The following QKI variants were observed in gnomAD, a reference collection of about 807,000 sequenced individuals.
The protein encoded by QKI is QKI, KH domain containing RNA binding.
A neutral mutation model predicts 39.0 loss-of-function variants in QKI; 10 were observed. The observed-to-expected ratio is 0.26, with a 90% confidence interval of 0.16 to 0.43. QKI has a LOEUF of 0.43. QKI is among the 20% of genes least tolerant of loss of function. The pLI, the probability that QKI is intolerant of heterozygous loss-of-function variation, is 1.00. For synonymous variants in QKI, 204 were observed against 155.4 expected (o/e 1.31, Z -2.33); for missense variants, 218 against 428.0 (o/e 0.51, Z 4.33).
intron 7 of QKI, chr6:163,568,222 G>T: frequency 1.0e-6 from 1 of 984,106 alleles, no homozygotes; most frequent in Non-Finnish European, 1.2e-6. Context: ...GTCTACAATT[G>T]TTCTAAAGAG....
chr6:163,436,772 A>G (rs1327224810), intron 1 of QKI, among the ~76,000 whole-genome samples: 1 of 134,924 alleles, frequency 7.4e-6, no homozygotes, highest in Non-Finnish European at 1.5e-5. Flanking sequence ...CCTGGGCGAC[A>G]GAGCGAGACT....
rs111792775 is a variant in QKI at position 163,434,710 on chromosome 6, CA to C, written c.142+19385del. 3.9e-3 allele frequency among the ~76,000 whole-genome samples: 549 copies of C among 141,598 alleles called. 2 individuals are homozygous for C. Among genetic ancestry groups the C allele is most frequent in the African/African-American group, 0.013 (504 of 38,374 alleles). The allele number at this position is 141,598 out of a possible 152,430, so 92.9% of individuals were successfully genotyped here. On this transcript the variant is annotated intron_variant, in intron 1 of 7. Transcript: ENST00000361752. ...AGCCTGGGCAACAGTGTGAGACTCT[CA>C]AAAAAAAAATTAATAAATAAGATAA...
At chr6:163,439,310 C>T (rs928260363) in intron 1 of QKI, among the ~76,000 whole-genome samples, 1 of 149,062 alleles carries the variant, frequency 6.7e-6, no homozygotes, top group African/African-American at 2.5e-5. Context: ...AGAATTTTCG[C>T]TCTAGAATAA....
At chr6:163,460,222 A>G (rs1334797531) in intron 2 of QKI, among the ~76,000 whole-genome samples, 2 of 152,206 alleles carry the variant, frequency 1.3e-5, no homozygotes, top group Non-Finnish European at 2.9e-5. Flanking sequence ...TTATGTGAAT[A>G]TAATTCTGAT....
chr6:163,488,417 C>T (rs930583746), intron 3 of QKI, among the ~76,000 whole-genome samples: 1 of 152,126 alleles, frequency 6.6e-6, no homozygotes, highest in Admixed American at 6.5e-5. Flanking sequence ...CTTTTCAGAG[C>T]TGTGAAATAC....
chr6:163,491,767 T>A (rs937808431), intron 3 of QKI, among the ~76,000 whole-genome samples: 1 of 152,176 alleles, frequency 6.6e-6, no homozygotes, highest in African/African-American at 2.4e-5. Context: ...TTATTAAAAT[T>A]TGTGAGACAC....
At chr6:163,422,707 A>T (rs1445489954) in intron 1 of QKI, among the ~76,000 whole-genome samples, 1 of 152,202 alleles carries the variant, frequency 6.6e-6, no homozygotes, top group Non-Finnish European at 1.5e-5. Context: ...ACATGCAGTG[A>T]ATGTGAGCTG....
At chr6:163,457,552 G>A in intron 2 of QKI, 1 of 433,136 alleles carries the variant, frequency 2.3e-6, no homozygotes, top group South Asian at 1.7e-5. Flanking sequence ...AAACTCTGGG[G>A]TAAGGGCGAG....
intron 2 of QKI, among the ~76,000 whole-genome samples, chr6:163,474,650 A>G (rs1792449543): frequency 1.3e-5 from 2 of 152,024 alleles, no homozygotes; most frequent in African/African-American, 4.8e-5. Context: ...GAGGCTAGAC[A>G]TGGTGTCTCC....
At chr6:163,514,763 G>C (rs1029289145) in intron 3 of QKI, among the ~76,000 whole-genome samples, 3 of 152,152 alleles carry the variant, frequency 2.0e-5, no homozygotes, top group African/African-American at 7.2e-5. Flanking sequence ...TCTTTTGATG[G>C]ATCACATGCC....
intron 4 of QKI, among the ~76,000 whole-genome samples, chr6:163,551,269 G>A (rs1202488561): frequency 2.0e-5 from 3 of 152,160 alleles, no homozygotes; most frequent in Non-Finnish European, 4.4e-5. Context: ...GACACCAGCT[G>A]GGTGTCCTCC....
At position 163,503,554 on chromosome 6, in the gene QKI, G is replaced by A. The variant is rs181294467; in HGVS notation, c.402+24658G>A. Among the ~76,000 whole-genome samples, 477 of 151,914 alleles carry A rather than the reference G, an allele frequency of 3.1e-3. 3 individuals carry two copies. Among genetic ancestry groups the A allele is most frequent in the African/African-American group, 0.01 (425 of 41,416 alleles). ...GTCCTGATAGTTTCTTTTGCTGTGC[G>A]GAAACTCTTTAGTTTAATTAAGTCC... On this transcript the variant is annotated intron_variant, in intron 3 of 7. Coordinates refer to ENST00000361752, the MANE Select transcript of QKI (RefSeq NM_006775.3).
intron 1 of QKI, 118 bp downstream of exon 1, chr6:163,415,453 G>C (rs997669943): frequency 9.7e-7 from 1 of 1,035,030 alleles, no homozygotes; most frequent in African/African-American, 1.7e-5. Flanking sequence ...GCGCCGGGGG[G>C]ACTGGGAGGC....
At chr6:163,447,808 T>G (rs1790265042) in intron 1 of QKI, among the ~76,000 whole-genome samples, 1 of 152,216 alleles carries the variant, frequency 6.6e-6, no homozygotes, top group African/African-American at 2.4e-5. Flanking sequence ...TGTTTTTATA[T>G]AGGCAGTCCC....
intron 2 of QKI, chr6:163,457,560 G>T (rs1016347700): frequency 2.4e-6 from 1 of 419,940 alleles, no homozygotes; most frequent in Non-Finnish European, 4.8e-6. Flanking sequence ...GGGTAAGGGC[G>T]AGGCCTAGCA....
At chr6:163,474,184 GAT>G (rs1271106329) in intron 2 of QKI, among the ~76,000 whole-genome samples, 1 of 152,134 alleles carries the variant, frequency 6.6e-6, no homozygotes, top group Non-Finnish European at 1.5e-5. Flanking sequence ...ATTTTAATGT[GAT>G]AAAGTGTATC....
chr6:163,506,658 G>A lies in QKI; in HGVS notation c.402+27762G>A, dbSNP rs921244208. On this transcript the variant is annotated intron_variant, in intron 3 of 7. Transcript: ENST00000361752. The stretch of plus-strand genomic sequence containing the variant: ...ACTTAAGCACTTAGTCTGCTATAGT[G>A]GATTACAGAGTTCTTTAAGAGTTGT... 8.5e-4 allele frequency among the ~76,000 whole-genome samples: 129 copies of A among 152,040 alleles called. 3 individuals are homozygous for A. The highest frequency in any genetic ancestry group is 8.7e-4 in the Non-Finnish European group (59 of 67,998).
chr6:163,540,110 T>G (rs1162104846), intron 4 of QKI, among the ~76,000 whole-genome samples: 1 of 151,722 alleles, frequency 6.6e-6, no homozygotes, highest in Non-Finnish European at 1.5e-5. Flanking sequence ...AATAAGTTCT[T>G]TTTTTTTGGA....
chr6:163,569,649 A>G (rs1783587447), intron 7 of QKI: 1 of 1,002,114 alleles, frequency 1.0e-6, no homozygotes, highest in Non-Finnish European at 1.2e-6. Flanking sequence ...TTTTACTGTA[A>G]TTTTTAAAGT....
Sources: allele counts gnomAD v4.1 joint callset (sites outside exome capture counted in the v4.1 genomes callset), GRCh38; gene constraint gnomAD v4.1.1; transcripts MANE v1.5; gene names NCBI Gene and HGNC (gene_info 2026-07-23, HGNC 2026-07-21).